DPF1: variants seen among roughly 807,000 people sequenced by gnomAD.
DPF1 encodes the protein zinc finger protein neuro-d4.
Under a neutral mutation model 58.7 loss-of-function variants are expected in DPF1, and 14 were observed. The observed-to-expected ratio is 0.24, with a 90% confidence interval of 0.16 to 0.37. The LOEUF (loss-of-function observed/expected upper bound fraction) is 0.37. DPF1 is among the 10% of genes least tolerant of loss of function. DPF1 has a pLI of 1.00. For synonymous variants in DPF1, 216 were observed against 216.0 expected (o/e 1.00, Z 0.00); for missense variants, 345 against 529.9 (o/e 0.65, Z 3.43).
rs925476645 is a variant in DPF1 at position 38,217,496 on chromosome 19, G to T, written c.691C>A (p.His231Asn). 38 of 1,551,216 alleles carry T rather than the reference G, an allele frequency of 2.4e-5. No individual in the cohort carries two copies. The Admixed American group carries it at 2.9e-4, about 12-fold the overall frequency. ...EEEGEENAER[H>N]ALPFHRKNNH... ...TTTTTCCGGTGGAAGGGCAGGGCGT[G>T]GCGTTCGGCGTTCTCCTCCCCCTCC... The change falls in exon 7 of 12, where the codon CAC becomes AAC. Residue 231 changes from histidine to asparagine, a missense_variant. By Grantham distance (68) the His-to-Asn change is moderately conservative (BLOSUM62 1). Coordinates refer to ENST00000355526, the MANE Select transcript of DPF1 (RefSeq NM_001135155.3).
chr19:38,222,744 AAGGGC>A lies in DPF1; in HGVS notation c.30-41_30-37del. 1 of 1,541,234 alleles carries A rather than the reference AAGGGC, an allele frequency of 6.5e-7. No individual in the cohort carries two copies. The highest frequency in any genetic ancestry group is 8.7e-7 in the Non-Finnish European group (1 of 1,144,530). ...GGCGAACGGGCGGGCGGCTGTCAGC[AAGGGC>A]AGGCGCACAGGGTCGCCCAGCACCC... On this transcript the variant is annotated intron_variant, in intron 1 of 11. Transcript: ENST00000355526. This position sits in a 1 kb window ranked among gnomAD's most constrained non-coding sequence, Gnocchi z 4.9.
upstream of DPF1, among the ~76,000 whole-genome samples, chr19:38,227,471 C>A (rs990152995): frequency 2.6e-5 from 4 of 152,066 alleles, no homozygotes; most frequent in Non-Finnish European, 5.9e-5. Context: ...CACACCACTC[C>A]CACATACTCT....
intron 9 of DPF1, 92 bp downstream of exon 9, chr19:38,216,048 G>C (rs545730350): frequency 1.1e-5 from 16 of 1,509,684 alleles, no homozygotes; most frequent in African/African-American, 1.4e-5. Flanking sequence ...GGGTCCCCTC[G>C]GTCCTCACCG....
Position 38,222,766 on chromosome 19 carries a change from C to G in DPF1, c.30-58G>C, listed in dbSNP as rs1482356853. The G allele has an allele frequency of 1.2e-5, 17 of 1,469,292 alleles. No individual in the cohort carries two copies. The highest frequency in any genetic ancestry group is 1.5e-5 in the Non-Finnish European group (17 of 1,109,646). The allele number at this position is 1,469,292 out of a possible 1,614,324, so 91.0% of individuals were successfully genotyped here. A position where few individuals can be genotyped will look rare whatever the true frequency, so the allele number is the denominator to read the frequency against. ...AGCAAGGGCAGGCGCACAGGGTCGC[C>G]CAGCACCCCTTCCCCGGCTGCCGGG... is the stretch of plus-strand genomic sequence containing the variant. On this transcript the variant is annotated intron_variant, in intron 1 of 11. Transcript: ENST00000355526. The surrounding 1 kb of genome is among the most constrained non-coding windows in gnomAD (Gnocchi z 4.9).
Position 38,222,953 on chromosome 19 carries a change from A to G in DPF1, c.30-245T>C. 1 of 510,396 alleles carries G rather than the reference A, an allele frequency of 2.0e-6. No homozygotes were observed. Among genetic ancestry groups the G allele is most frequent in the Non-Finnish European group, 3.4e-6 (1 of 293,782 alleles). 31.6% of individuals were successfully genotyped at this position (510,396 alleles called of 1,614,324 possible). ...GAGTAGAAACACGATACAGAAACAA[A>G]CAAAAACACACCGGGACGTATCCCT... On this transcript the variant is annotated intron_variant, in intron 1 of 11. Coordinates refer to ENST00000355526, the MANE Select transcript of DPF1 (RefSeq NM_001135155.3). This position sits in a 1 kb window ranked among gnomAD's most constrained non-coding sequence, Gnocchi z 4.9.
In DPF1 at chr19:38,223,993, G is replaced by T. The variant is rs1967688586; in HGVS notation, c.29+121C>A. 3.9e-6 allele frequency: 5 copies of T among 1,284,256 alleles called. No homozygotes were observed. The East Asian group carries it at 1.6e-4, about 40-fold the overall frequency. The allele number at this position is 1,284,256 out of a possible 1,614,324, so 79.6% of individuals were successfully genotyped here. ...TCACACACTCTCGCACCCCCGCGCA[G>T]CCCCGCACTCGGTGACAGCCCCCCA... On this transcript the variant is annotated intron_variant, in intron 1 of 11. Transcript: ENST00000355526.
chr19:38,224,237 G>T, upstream of DPF1: 1 of 1,277,050 alleles, frequency 7.8e-7, no homozygotes, highest in Non-Finnish European at 9.9e-7. The surrounding 1 kb of genome is among the most constrained non-coding windows in gnomAD (Gnocchi z 4.5). Context: ...TTCATTCCCG[G>T]GGGGCGGGAG....
intron 9 of DPF1, among the ~76,000 whole-genome samples, chr19:38,214,462 G>A (rs1018749469): frequency 1.3e-5 from 2 of 152,082 alleles, no homozygotes; most frequent in African/African-American, 4.8e-5. Flanking sequence ...ATGATGCCAC[G>A]ACAACCACAA....
chr19:38,216,546 G>C, intron 7 of DPF1, 143 bp from the exon 8 acceptor site: 1 of 971,186 alleles, frequency 1.0e-6, no homozygotes, highest in Non-Finnish European at 1.4e-6. Context: ...TGTGGGGAGA[G>C]GTGAAAACAG....
chr19:38,225,304 A>T (rs1446038181), upstream of DPF1, among the ~76,000 whole-genome samples: 1 of 152,020 alleles, frequency 6.6e-6, no homozygotes, highest in East Asian at 1.9e-4. Flanking sequence ...CGATGGCTCC[A>T]GTCTGCAATC....
intron 5 of DPF1, 36 bp downstream of exon 5, chr19:38,218,537 A>C (rs1409142815): frequency 6.2e-7 from 1 of 1,602,054 alleles, no homozygotes; most frequent in Non-Finnish European, 8.6e-7. Flanking sequence ...CCTGTCATTG[A>C]GGGGAGCGGG....
In DPF1 at chr19:38,222,783, G is replaced by GCTGC. The variant is rs1967599933; in HGVS notation, c.30-79_30-76dup. 35 of 1,430,412 alleles carry GCTGC rather than the reference G, an allele frequency of 2.4e-5. 2 individuals carry two copies. The South Asian group carries it at 4.7e-4, about 19-fold the overall frequency. The allele number at this position is 1,430,412 out of a possible 1,614,324, so 88.6% of individuals were successfully genotyped here. The stretch of plus-strand genomic sequence containing the variant: ...AGGGTCGCCCAGCACCCCTTCCCCG[G>GCTGC]CTGCCGGGCCGCCCAGGCTCGGGAG... On this transcript the variant is annotated intron_variant, in intron 1 of 11. Coordinates refer to ENST00000355526, the MANE Select transcript of DPF1 (RefSeq NM_001135155.3). The surrounding 1 kb of genome is among the most constrained non-coding windows in gnomAD (Gnocchi z 4.9).
At chr19:38,218,747 G>A in intron 4 of DPF1, 85 bp from the exon 5 acceptor site, 1 of 1,554,982 alleles carries the variant, frequency 6.4e-7, no homozygotes, top group South Asian at 1.1e-5. Flanking sequence ...GTGGAGATTG[G>A]GGGTGAGAGT....
rs371916910 is a variant in DPF1 at position 38,222,477 on chromosome 19, G to T, written c.191-13C>A. On this transcript the variant is annotated splice_polypyrimidine_tract_variant and intron_variant, in intron 2 of 11. Transcript: ENST00000355526. The surrounding 1 kb of genome is among the most constrained non-coding windows in gnomAD (Gnocchi z 4.9). ...CCCGGGGCCAAACCTGGAGAGAGAG[G>T]GGGGTGAGAGGGCGGCGGCGGTGGG... 10 of 1,581,576 alleles carry T rather than the reference G, an allele frequency of 6.3e-6. No homozygotes were observed. In the East Asian group the frequency reaches 1.4e-4, roughly 22 times the overall value.
chr19:38,214,423 G>A (rs888915975), intron 9 of DPF1, among the ~76,000 whole-genome samples: 2 of 152,136 alleles, frequency 1.3e-5, no homozygotes, highest in Non-Finnish European at 2.9e-5. Flanking sequence ...ATTATACTGA[G>A]TTGCCATGAC....
At chr19:38,216,562 A>C in intron 7 of DPF1, 159 bp from the exon 8 acceptor site, 2 of 770,504 alleles carry the variant, frequency 2.6e-6, no homozygotes, top group Non-Finnish European at 3.7e-6. Flanking sequence ...AACAGTTCTC[A>C]TCGGGACTCC....
intron 1 of DPF1, 121 bp downstream of exon 1, chr19:38,223,983 CCCCCGCGCAG>C (rs1461926771): frequency 4.1e-6 from 5 of 1,233,806 alleles, no homozygotes; most frequent in Non-Finnish European, 5.2e-6. Flanking sequence ...CACTCTCGCA[CCCCCGCGCAG>C]CCCCGCACTC....
intron 10 of DPF1, 60 bp from the exon 11 acceptor site, chr19:38,212,421 GGGGGGCTGGGGCAGGGGCTAGGTCAA>G (rs1973517737): frequency 4.8e-6 from 3 of 630,034 alleles, no homozygotes; most frequent in Admixed American, 3.2e-5. Context: ...AAACGGGGGT[GGGGGGCTGGGGCAGGGGCTAGGTCAA>G]GGGGGCTGGG....
chr19:38,228,249 C>G (rs1274325045), upstream of DPF1, among the ~76,000 whole-genome samples: 3 of 151,922 alleles, frequency 2.0e-5, no homozygotes, highest in Admixed American at 6.5e-5. Flanking sequence ...TAAGTCCCTG[C>G]CCCCCTTCCT....
Sources: gnomAD v4.1 joint callset for allele counts (sites outside exome capture counted in the v4.1 genomes callset) on GRCh38, gnomAD v4.1.1 for gene constraint, Gnocchi (gnomAD v3.1) non-coding constraint, MANE v1.5 for transcripts, NCBI Gene and HGNC (gene_info 2026-07-23, HGNC 2026-07-21) for gene names.